AP1B1: variants seen among roughly 807,000 people sequenced by gnomAD.
The protein encoded by AP1B1 is AP-1 complex subunit beta-1.
AP1B1 carries 36 observed loss-of-function variants against 104.3 expected under a neutral mutation model. That is an observed-to-expected ratio of 0.35 (90% confidence interval 0.26 to 0.46). The LOEUF (loss-of-function observed/expected upper bound fraction) is 0.46. Among genes scored for constraint, AP1B1 ranks in the 20% least tolerant of loss-of-function variants. The pLI, the probability that AP1B1 is intolerant of heterozygous loss-of-function variation, is 1.00. For missense variants in AP1B1, 901 were observed against 1,247.9 expected, an observed-to-expected ratio of 0.72 and a Z score of 4.19; for synonymous variants, 504 against 517.5, an observed-to-expected ratio of 0.97 and a Z score of 0.35.
intron 11 of AP1B1, among the ~76,000 whole-genome samples, chr22:29,343,769 AC>A (rs777797451): frequency 3.7e-4 from 57 of 152,124 alleles, no homozygotes; most frequent in Non-Finnish European, 7.1e-4. Flanking sequence ...AACGTATAAA[AC>A]AGTCATTACA....
At chr22:29,360,815 A>AG (rs2062033208) in intron 3 of AP1B1, among the ~76,000 whole-genome samples, 1 of 152,304 alleles carries the variant, frequency 6.6e-6, no homozygotes, top group South Asian at 2.1e-4. Context: ...ATTTGGTTAG[A>AG]GATCAATTTT....
intron 1 of AP1B1, among the ~76,000 whole-genome samples, chr22:29,385,322 C>A (rs570866919): frequency 6.6e-6 from 1 of 152,256 alleles, no homozygotes; most frequent in African/African-American, 2.4e-5. Flanking sequence ...GGAGTTGGAG[C>A]CTGCAGTGAG....
chr22:29,354,277 C>G (rs2061920922), intron 7 of AP1B1, among the ~76,000 whole-genome samples: 1 of 152,214 alleles, frequency 6.6e-6, no homozygotes, highest in Non-Finnish European at 1.5e-5. Flanking sequence ...AATCACCAAG[C>G]TAGTCTTTAC....
chr22:29,340,036 T>C (rs2061691125), intron 14 of AP1B1, among the ~76,000 whole-genome samples: 1 of 152,118 alleles, frequency 6.6e-6, no homozygotes, highest in Non-Finnish European at 1.5e-5. Flanking sequence ...TGATCACCAG[T>C]GTCCTGCCCC....
At chr22:29,339,986 G>A (rs1334161964) in intron 14 of AP1B1, among the ~76,000 whole-genome samples, 3 of 151,956 alleles carry the variant, frequency 2.0e-5, no homozygotes, top group Non-Finnish European at 4.4e-5. Context: ...CCCAACACCT[G>A]TCCTGCACCA....
chr22:29,369,621 A>C (rs1386070115), intron 1 of AP1B1, among the ~76,000 whole-genome samples: 1 of 152,194 alleles, frequency 6.6e-6, no homozygotes, highest in African/African-American at 2.4e-5. Flanking sequence ...TCCACAAAGG[A>C]AGGCCCCGCA....
rs756483924 is a variant in AP1B1 at position 29,330,461 on chromosome 22, T to C, written c.2683A>G (p.Met895Val). The change falls in exon 21 of 23, where the codon ATG becomes GTG. Residue 895 changes from methionine to valine, a missense_variant. This residue lies in a region of AP1B1 where 424 missense variants were observed against 494.0 expected (regional missense o/e 0.86). Transcript: ENST00000357586. ...GTCAGCTTCAGGGACTGGTAGAGCATGTCCTGGCCCTCCACGTTCCTCTTG... is the reference window on the plus strand; with the variant it reads ...GTCAGCTTCAGGGACTGGTAGAGCACGTCCTGGCCCTCCACGTTCCTCTTG... ...VAKRNVEGQD[M>V]LYQSLKLTNG... The C allele has an allele frequency of 3.7e-6, 6 of 1,613,734 alleles. No homozygotes were observed. The African/African-American group carries it at 5.3e-5, about 14-fold the overall frequency.
At chr22:29,330,187 G>T (rs915352012) in intron 21 of AP1B1, 191 bp downstream of exon 21, 1 of 1,448,438 alleles carries the variant, frequency 6.9e-7, no homozygotes, top group Non-Finnish European at 9.1e-7. Flanking sequence ...GACCCAATTG[G>T]TGTCTTATCT....
At chr22:29,371,459 C>T (rs781280811) in intron 1 of AP1B1, among the ~76,000 whole-genome samples, 5 of 152,246 alleles carry the variant, frequency 3.3e-5, no homozygotes, top group East Asian at 1.9e-4. Context: ...CGGCTGGGCG[C>T]GGTGGCTTAT....
chr22:29,359,969 CA>C lies in AP1B1; in HGVS notation c.144-11del. On this transcript the variant is annotated splice_polypyrimidine_tract_variant and intron_variant, in intron 3 of 22. Transcript: ENST00000357586. ...ATCGGGGAAGAGGGCACTGGAAGGT[CA>C]AAATGGTGTCAGCATGGGAAAGGCT... The C allele has an allele frequency of 6.2e-7, 1 of 1,610,388 alleles. No homozygotes were observed. The highest frequency in any genetic ancestry group is 8.5e-7 in the Non-Finnish European group (1 of 1,178,164).
In AP1B1 at chr22:29,364,497, C is replaced by T. The variant is rs557982342; in HGVS notation, c.38-1391G>A. On this transcript the variant is annotated intron_variant, in intron 2 of 22. Coordinates refer to ENST00000357586, the MANE Select transcript of AP1B1 (RefSeq NM_001127.4). ...GCAGTGGCCCCATCTCAGCTCACTG[C>T]AACTTCTGCCTCCTGGGTTCCAGCA... Among the ~76,000 whole-genome samples the T allele has an allele frequency of 1.6e-4, 25 of 152,294 alleles. No homozygotes were observed. In the South Asian group the frequency reaches 4.8e-3, roughly 29 times the overall value.
chr22:29,356,353 C>T (rs1445615004), intron 6 of AP1B1, 73 bp downstream of exon 6: 1 of 1,475,468 alleles, frequency 6.8e-7, no homozygotes, highest in Admixed American at 2.1e-5. Flanking sequence ...GGCCCAAGGC[C>T]CAGTGCCTGG....
rs547403154 is a variant in AP1B1, at chr22:29,342,427, T to C, written c.1438-44A>G. The stretch of plus-strand genomic sequence containing the variant: ...ACGAGGAGGAAGTGTGGGCCTCACA[T>C]GGGGATAGAGGGAGAACAAAAAGGC... On this transcript the variant is annotated intron_variant, in intron 11 of 22. Coordinates refer to ENST00000357586, the MANE Select transcript of AP1B1 (RefSeq NM_001127.4). 15 of 1,521,400 alleles carry C rather than the reference T, an allele frequency of 9.9e-6. No homozygotes were observed. In the South Asian group the frequency reaches 1.2e-4, roughly 13 times the overall value. The allele number at this position is 1,521,400 out of a possible 1,614,324, so 94.2% of individuals were successfully genotyped here.
chr22:29,380,227 G>C (rs1415597109), intron 1 of AP1B1, among the ~76,000 whole-genome samples: 2 of 152,064 alleles, frequency 1.3e-5, no homozygotes, highest in South Asian at 2.1e-4. Flanking sequence ...GCCCTCCTAC[G>C]CCACTGTCTG....
intron 1 of AP1B1, among the ~76,000 whole-genome samples, chr22:29,369,838 T>C (rs1244948635): frequency 1.2e-5 from 1 of 85,366 alleles, no homozygotes; most frequent in African/African-American, 6.3e-5. Context: ...TTAAAAACGA[T>C]TTTTTTTTTT....
chr22:29,368,808 C>T (rs1181684874), intron 1 of AP1B1, among the ~76,000 whole-genome samples: 1 of 151,858 alleles, frequency 6.6e-6, no homozygotes, highest in Non-Finnish European at 1.5e-5. Flanking sequence ...ACCTGTAGTC[C>T]CATCTACTTG....
At chr22:29,357,297 A>G (rs1435749286) in intron 5 of AP1B1, among the ~76,000 whole-genome samples, 1 of 152,034 alleles carries the variant, frequency 6.6e-6, no homozygotes, top group Non-Finnish European at 1.5e-5. Flanking sequence ...CAGACTCCTG[A>G]CCTCAGGTGA....
intron 16 of AP1B1, among the ~76,000 whole-genome samples, chr22:29,335,429 C>T (rs1461402999): frequency 1.3e-5 from 2 of 152,150 alleles, no homozygotes; most frequent in Non-Finnish European, 2.9e-5. Context: ...CCCTAACCCC[C>T]TTGAGACAGT....
chr22:29,367,333 G>C, intron 1 of AP1B1, 63 bp from the exon 2 acceptor site: 1 of 671,456 alleles, frequency 1.5e-6, no homozygotes, highest in Admixed American at 2.1e-5. Flanking sequence ...CAGTTATGGT[G>C]CAGAGGGAGG....
Sources: gnomAD v4.1 joint callset for allele counts (sites outside exome capture counted in the v4.1 genomes callset) on GRCh38, gnomAD v4.1.1 for gene constraint, gnomAD v4.1.1 regional missense constraint, MANE v1.5 for transcripts, NCBI Gene and HGNC (gene_info 2026-07-23, HGNC 2026-07-21) for gene names.